Variants in FAM89A observed in about 807,000 individuals in gnomAD.
FAM89A encodes the protein family with sequence similarity 89 member A, also known as protein FAM89A.
A neutral mutation model predicts 7.1 loss-of-function variants in FAM89A; 10 were observed. The observed-to-expected ratio is 1.40, with a 90% confidence interval of 0.86 to 2.38. The LOEUF (loss-of-function observed/expected upper bound fraction) is 2.38, where lower values mean the gene tolerates loss of function less well. FAM89A is among the 30% of genes most tolerant of loss of function. The pLI is 0.00. For missense variants in FAM89A, 276 were observed against 262.8 expected, an observed-to-expected ratio of 1.05 and a Z score of -0.35; for synonymous variants, 157 against 129.3, an observed-to-expected ratio of 1.21 and a Z score of -1.45.
chr1:231,034,219 C>T (rs1331283981), intron 1 of FAM89A, among the ~76,000 whole-genome samples: 1 of 152,064 alleles, frequency 6.6e-6, no homozygotes, highest in Non-Finnish European at 1.5e-5. Context: ...TGACAGGCCC[C>T]GCACGTGTGC....
In FAM89A at chr1:231,038,097, C is replaced by T. The variant is rs79783959; in HGVS notation, c.291+1824G>A. On this transcript the variant is annotated intron_variant, in intron 1 of 1. Coordinates refer to ENST00000366654, the MANE Select transcript of FAM89A (RefSeq NM_198552.3). ...CAAGTCAGTAAATCAATTAAAAAGC[C>T]GAAAGATTCTCTGGGCAACTTTAAA... 1.8e-3 allele frequency among the ~76,000 whole-genome samples: 268 copies of T among 152,280 alleles called. 2 individuals carry two copies. Among genetic ancestry groups the T allele is most frequent in the Non-Finnish European group, 3.2e-3 (221 of 68,026 alleles).
intron 1 of FAM89A, chr1:231,025,971 A>T (rs1679961540): frequency 6.5e-6 from 1 of 153,852 alleles, no homozygotes; most frequent in Non-Finnish European, 1.5e-5. Flanking sequence ...GCACAGAATT[A>T]AAAGTGCAGG....
intron 1 of FAM89A, chr1:231,022,219 A>G: frequency 2.1e-6 from 2 of 945,192 alleles, no homozygotes; most frequent in Non-Finnish European, 3.5e-6. Flanking sequence ...CGGATGGACA[A>G]TCAGGTTCTC....
chr1:231,039,075 G>A (rs77262021), intron 1 of FAM89A, among the ~76,000 whole-genome samples: 7,684 of 152,338 alleles, frequency 0.05, 285 homozygotes, highest in Non-Finnish European at 0.074. Flanking sequence ...GCCTACGCCT[G>A]GCCGAGAAAG....
chr1:231,032,943 G>A (rs1680099548), intron 1 of FAM89A, among the ~76,000 whole-genome samples: 1 of 152,178 alleles, frequency 6.6e-6, no homozygotes, highest in African/African-American at 2.4e-5. Context: ...TGCAAAACTA[G>A]GCCAGCTCAT....
At chr1:231,031,198 G>C (rs1680063063) in intron 1 of FAM89A, among the ~76,000 whole-genome samples, 2 of 152,106 alleles carry the variant, frequency 1.3e-5, no homozygotes, top group African/African-American at 4.8e-5. Context: ...GGCTTATCTG[G>C]TTCTGCATTT....
chr1:231,030,169 CAT>C (rs1183307853), intron 1 of FAM89A, among the ~76,000 whole-genome samples: 11 of 152,200 alleles, frequency 7.2e-5, no homozygotes, highest in Admixed American at 3.3e-4. Context: ...TGGGCGGAAA[CAT>C]ATTCGTGTCA....
chr1:231,021,954 A>C, intron 1 of FAM89A: 9 of 1,418,174 alleles, frequency 6.3e-6, no homozygotes, highest in Non-Finnish European at 9.0e-6. Context: ...ACTTCCAGAA[A>C]CACCAGGGAT....
At chr1:231,035,193 C>T (rs1246640219) in intron 1 of FAM89A, among the ~76,000 whole-genome samples, 1 of 152,164 alleles carries the variant, frequency 6.6e-6, no homozygotes, top group Admixed American at 6.5e-5. Context: ...TGGACAAGCT[C>T]ATTAGGCATT....
chr1:231,023,434 G>A (rs116778789), intron 1 of FAM89A, among the ~76,000 whole-genome samples: 2,694 of 152,292 alleles, frequency 0.018, 41 homozygotes, highest in Non-Finnish European at 0.028. Context: ...GCCTTACAGT[G>A]CCGGCATGCC....
At chr1:231,031,045 G>C (rs1680059919) in intron 1 of FAM89A, among the ~76,000 whole-genome samples, 1 of 152,160 alleles carries the variant, frequency 6.6e-6, no homozygotes, top group Non-Finnish European at 1.5e-5. Flanking sequence ...GGGAGGCAGA[G>C]ACCACAGTGA....
chr1:231,022,859 G>A (rs1679903609), intron 1 of FAM89A, among the ~76,000 whole-genome samples: 1 of 152,238 alleles, frequency 6.6e-6, no homozygotes, highest in South Asian at 2.1e-4. Context: ...CCCCCTCAGA[G>A]GCTTAATGTT....
rs745500241 is a variant in FAM89A, at chr1:231,040,136, G to A, written c.76C>T (p.Pro26Ser). Residue 26 changes from proline to serine, a missense_variant, in exon 1 of 2, where the codon CCG (proline) becomes TCG (serine). By Grantham distance (74) the Pro-to-Ser change is moderately conservative. Coordinates refer to ENST00000366654, the MANE Select transcript of FAM89A (RefSeq NM_198552.3). Reference sequence around the variant, plus strand: ...AGCCCGCTCAAGCTCTTTGGCAGCGGGGGCAGCCCGTCCACCCGCAGCCCC... The same window carrying A: ...AGCCCGCTCAAGCTCTTTGGCAGCGAGGGCAGCCCGTCCACCCGCAGCCCC... ...VRGLRVDGLP[P>S]LPKSLSGLLH... is the part of the protein sequence containing the mutation. 3.7e-6 allele frequency: 5 copies of A among 1,344,596 alleles called. No individual in the cohort carries two copies. Among genetic ancestry groups the A allele is most frequent in the Non-Finnish European group, 4.8e-6 (5 of 1,041,296 alleles). 83.3% of individuals were successfully genotyped at this position (1,344,596 alleles called of 1,614,324 possible). A position where few individuals can be genotyped will look rare whatever the true frequency, so the allele number is the denominator to read the frequency against.
chr1:231,026,108 A>G (rs1039829585), intron 1 of FAM89A: 6 of 152,270 alleles, frequency 3.9e-5, no homozygotes, highest in African/African-American at 1.2e-4. Context: ...CTCTATTCTC[A>G]TTGTTAGTAT....
At chr1:231,020,345 G>A (rs572878684) in intron 1 of FAM89A, among the ~76,000 whole-genome samples, 45 of 152,268 alleles carry the variant, frequency 3.0e-4, no homozygotes, top group African/African-American at 1.0e-3. Flanking sequence ...AGTGAGGATC[G>A]CATCTGTGGG....
At chr1:231,021,967 G>A in intron 1 of FAM89A, 1 of 1,359,982 alleles carries the variant, frequency 7.4e-7, no homozygotes, top group East Asian at 2.3e-5. Context: ...CCAGGGATGA[G>A]GGCGCTATAG....
At position 231,019,971 on chromosome 1, in the gene FAM89A, G is replaced by T. The variant is rs1362660971; in HGVS notation, c.447C>A (p.Phe149Leu). 1 of 1,614,148 alleles carries T rather than the reference G, an allele frequency of 6.2e-7. No individual in the cohort carries two copies. Among genetic ancestry groups the T allele is most frequent in the Non-Finnish European group, 8.5e-7 (1 of 1,180,018 alleles). The change falls in exon 2 of 2, where the codon TTC becomes TTA. Residue 149 changes from phenylalanine to leucine, a missense_variant. Transcript: ENST00000366654. The stretch of plus-strand genomic sequence containing the variant: ...TGTCGTGCAGGGAGTTCTGCTCCTG[G>T]AAATATTCCTCCTCTTCATCGAAGA... The part of the protein sequence containing the change: ...NGFFDEEEEY[F>L]QEQNSLHDRR...
intron 1 of FAM89A, chr1:231,022,275 G>A: frequency 1.3e-6 from 1 of 746,974 alleles, no homozygotes; most frequent in South Asian, 1.4e-5. Flanking sequence ...AGACTGTTTT[G>A]AAACCCACGT....
At chr1:231,027,788 G>A (rs1354975287) in intron 1 of FAM89A, among the ~76,000 whole-genome samples, 5 of 152,140 alleles carry the variant, frequency 3.3e-5, no homozygotes, top group Non-Finnish European at 7.4e-5. Context: ...CATCCCCACT[G>A]CATCTGTGAA....
Sources: gnomAD v4.1 joint callset for allele counts (sites outside exome capture counted in the v4.1 genomes callset) on GRCh38, gnomAD v4.1.1 for gene constraint, MANE v1.5 for transcripts, NCBI Gene and HGNC (gene_info 2026-07-23, HGNC 2026-07-21) for gene names.